PRR5L: variants seen among roughly 807,000 people sequenced by gnomAD.
The protein encoded by PRR5L is proline-rich protein 5-like.
A neutral mutation model predicts 36.4 loss-of-function variants in PRR5L; 21 were observed. The observed-to-expected ratio is 0.58, with a 90% CI of 0.41 to 0.83. PRR5L has a LOEUF of 0.83. Ranked by LOEUF, PRR5L falls within the 40% of genes least tolerant of loss-of-function variation. PRR5L has a pLI of 0.00. For missense variants in PRR5L, 381 were observed against 473.3 expected (o/e 0.80, Z 1.81); for synonymous variants, 188 against 197.0 (o/e 0.95, Z 0.38).
intron 1 of PRR5L, among the ~76,000 whole-genome samples, chr11:36,325,416 A>T (rs1856652021): frequency 6.6e-6 from 1 of 152,244 alleles, no homozygotes; most frequent in African/African-American, 2.4e-5. Context: ...AGTAACAAAC[A>T]TGGACCAGAA....
intron 3 of PRR5L, among the ~76,000 whole-genome samples, chr11:36,404,268 CTTTTTTT>C (rs869208636): frequency 1.0e-5 from 1 of 98,010 alleles, no homozygotes; most frequent in Non-Finnish European, 2.0e-5. Context: ...TCCATCAGGT[CTTTTTTT>C]TTTTTTTTTT....
At chr11:36,438,385 A>G (rs1255835728) in intron 6 of PRR5L, among the ~76,000 whole-genome samples, 1 of 152,258 alleles carries the variant, frequency 6.6e-6, no homozygotes, top group Non-Finnish European at 1.5e-5. Context: ...GAATGACCTT[A>G]TACCACATAG....
At chr11:36,402,665 G>A (rs1374382770) in intron 2 of PRR5L, among the ~76,000 whole-genome samples, 1 of 152,210 alleles carries the variant, frequency 6.6e-6, no homozygotes, top group Admixed American at 6.5e-5. Context: ...AAAGGCCAGG[G>A]GCCTTAATAT....
At chr11:36,301,603 G>A (rs965669115) in intron 1 of PRR5L, among the ~76,000 whole-genome samples, 1 of 152,124 alleles carries the variant, frequency 6.6e-6, no homozygotes, top group African/African-American at 2.4e-5. Context: ...AGTGGGGCAT[G>A]GGGGGTCGGG....
intron 1 of PRR5L, among the ~76,000 whole-genome samples, chr11:36,356,646 A>C (rs1452661360): frequency 6.6e-6 from 1 of 151,906 alleles, no homozygotes; most frequent in African/African-American, 2.4e-5. Context: ...TTATTATTTT[A>C]TCAGTTATGG....
At chr11:36,401,377 C>T (rs1353904181) in intron 2 of PRR5L, 92 bp downstream of exon 2, 1 of 1,271,090 alleles carries the variant, frequency 7.9e-7, no homozygotes, top group Non-Finnish European at 1.1e-6. Context: ...TCTGCTGATT[C>T]TGGGAAGGCC....
intron 1 of PRR5L, among the ~76,000 whole-genome samples, chr11:36,297,739 C>T (rs538317124): frequency 2.8e-4 from 43 of 152,306 alleles, no homozygotes; most frequent in Admixed American, 2.7e-3. Flanking sequence ...GGGAATCAGC[C>T]AGATCTTTGA....
At chr11:36,409,875 G>A (rs1010707451) in intron 3 of PRR5L, among the ~76,000 whole-genome samples, 3 of 152,218 alleles carry the variant, frequency 2.0e-5, no homozygotes, top group Admixed American at 1.3e-4. Flanking sequence ...GCCAGTAAGT[G>A]CCTGAGCTGG....
At chr11:36,417,643 G>A (rs554304542) in intron 3 of PRR5L, among the ~76,000 whole-genome samples, 2 of 152,352 alleles carry the variant, frequency 1.3e-5, no homozygotes, top group African/African-American at 4.8e-5. Flanking sequence ...TTCAACGTGT[G>A]TTTGTGGCTT....
chr11:36,340,330 G>A (rs1856806252), intron 1 of PRR5L, among the ~76,000 whole-genome samples: 1 of 152,224 alleles, frequency 6.6e-6, no homozygotes, highest in African/African-American at 2.4e-5. Context: ...AAGTGCAGAT[G>A]GGGTATGTGC....
In PRR5L at chr11:36,330,313, G is replaced by A. The variant is rs572430139; in HGVS notation, c.-126+33875G>A. 2.6e-5 allele frequency among the ~76,000 whole-genome samples: 4 copies of A among 152,170 alleles called. No individual in the cohort carries two copies. In the East Asian group the frequency reaches 7.7e-4, roughly 29 times the overall value. On this transcript the variant is annotated intron_variant, in intron 1 of 8. Transcript: ENST00000530639. ...AACTAACAATATTCCAAACAAAAAGGCCACAAAAATTTTAACTCTTCTTCA... is the reference window on the plus strand; with the variant it reads ...AACTAACAATATTCCAAACAAAAAGACCACAAAAATTTTAACTCTTCTTCA...
At chr11:36,297,826 C>A (rs554429216) in intron 1 of PRR5L, among the ~76,000 whole-genome samples, 1 of 152,296 alleles carries the variant, frequency 6.6e-6, no homozygotes, top group African/African-American at 2.4e-5. Context: ...TGGTTGGCTT[C>A]TCATTTCCCA....
chr11:36,368,851 T>A (rs1160765366), intron 1 of PRR5L, among the ~76,000 whole-genome samples: 1 of 152,222 alleles, frequency 6.6e-6, no homozygotes, highest in African/African-American at 2.4e-5. Flanking sequence ...TACATTAATT[T>A]TAATTTTTAA....
At chr11:36,444,763 T>A (rs1425735179) in intron 6 of PRR5L, among the ~76,000 whole-genome samples, 1 of 152,206 alleles carries the variant, frequency 6.6e-6, no homozygotes, top group African/African-American at 2.4e-5. Flanking sequence ...CATTCTATAG[T>A]TTAAATCAGA....
intron 1 of PRR5L, chr11:36,394,258 G>A (rs10836548): frequency 0.083 from 12,658 of 152,292 alleles, 662 homozygotes; most frequent in African/African-American, 0.13. Flanking sequence ...AGCCTGACTC[G>A]GGTGCCTTTT....
intron 1 of PRR5L, among the ~76,000 whole-genome samples, chr11:36,316,449 G>T (rs1565382437): frequency 6.6e-6 from 1 of 152,210 alleles, no homozygotes; most frequent in Non-Finnish European, 1.5e-5. Flanking sequence ...GTCTCCCAGA[G>T]CATTTGGGGA....
At position 36,330,253 on chromosome 11, in the gene PRR5L, G is replaced by A. The variant is rs140599054; in HGVS notation, c.-126+33815G>A. The stretch of plus-strand genomic sequence containing the variant: ...GAGAGTTTAAGAGAAAAGAGAAAGG[G>A]GTTCCTTATATCCCCAGAAAATAGA... On this transcript the variant is annotated intron_variant, in intron 1 of 8. Coordinates refer to ENST00000530639, the MANE Select transcript of PRR5L (RefSeq NM_001160167.2). 6.4e-3 allele frequency among the ~76,000 whole-genome samples: 979 copies of A among 152,096 alleles called. 16 individuals are homozygous for A. Among genetic ancestry groups the A allele is most frequent in the African/African-American group, 0.022 (926 of 41,512 alleles).
chr11:36,408,942 T>G (rs528993720), intron 3 of PRR5L, among the ~76,000 whole-genome samples: 3 of 152,226 alleles, frequency 2.0e-5, no homozygotes, highest in African/African-American at 7.2e-5. Context: ...ATTGAATAAA[T>G]GTGGAGTGCT....
rs1859222843 is a variant in PRR5L at position 36,462,915 on chromosome 11, T to A, written c.*179T>A. The stretch of plus-strand genomic sequence containing the variant: ...GTTGTTGTAAACCTCTTTATTTTGG[T>A]GACTGTGACCACTTCTTTGTAGCCA... On this transcript the variant is annotated 3_prime_UTR_variant, in exon 9 of 9. Transcript: ENST00000530639. 1.8e-6 allele frequency: 1 copy of A among 554,732 alleles called. No homozygotes were observed. Among genetic ancestry groups the A allele is most frequent in the African/African-American group, 1.9e-5 (1 of 52,132 alleles). 34.4% of individuals were successfully genotyped at this position (554,732 alleles called of 1,614,324 possible).
Sources: gnomAD v4.1 joint callset for allele counts (sites outside exome capture counted in the v4.1 genomes callset) on GRCh38, gnomAD v4.1.1 for gene constraint, MANE v1.5 for transcripts, NCBI Gene and HGNC (gene_info 2026-07-23, HGNC 2026-07-21) for gene names.